The following CASQ2 variants were observed in gnomAD, a reference collection of about 807,000 sequenced individuals.
CASQ2 encodes calsequestrin 2.
CASQ2 carries 49 observed loss-of-function variants against 46.5 expected under a neutral mutation model. The observed-to-expected ratio is 1.05, with a 90% CI of 0.84 to 1.34. The LOEUF (loss-of-function observed/expected upper bound fraction) is 1.34. Among genes scored for constraint, CASQ2 ranks in the 40% most tolerant of loss-of-function variants. CASQ2 has a pLI of 0.00. For missense variants in CASQ2, 486 were observed against 481.3 expected, an observed-to-expected ratio of 1.01 and a Z score of -0.09; for synonymous variants, 174 against 168.5, an observed-to-expected ratio of 1.03 and a Z score of -0.25.
At chr1:115,758,658 CT>C (rs1648840789) in intron 1 of CASQ2, among the ~76,000 whole-genome samples, 2 of 152,172 alleles carry the variant, frequency 1.3e-5, no homozygotes, top group African/African-American at 4.8e-5. Flanking sequence ...TGAGTTCTCA[CT>C]CTATTAGTTC....
chr1:115,725,407 C>A, intron 7 of CASQ2, 101 bp downstream of exon 7: 1 of 1,339,180 alleles, frequency 7.5e-7, no homozygotes, highest in African/African-American at 1.4e-5. Flanking sequence ...CCACCTCAGC[C>A]AAATAAACTT....
intron 1 of CASQ2, among the ~76,000 whole-genome samples, chr1:115,763,003 A>C (rs1025433554): frequency 1.3e-5 from 2 of 152,148 alleles, no homozygotes; most frequent in African/African-American, 4.8e-5. Flanking sequence ...GCATTTATTT[A>C]GTTGTGTTTT....
intron 5 of CASQ2, among the ~76,000 whole-genome samples, chr1:115,728,589 A>T (rs1647674643): frequency 6.6e-6 from 1 of 152,190 alleles, no homozygotes; most frequent in South Asian, 2.1e-4. Context: ...GACTGTTTCC[A>T]TGAAAGGAGA....
At chr1:115,743,153 A>G (rs1648252249) in intron 2 of CASQ2, among the ~76,000 whole-genome samples, 2 of 152,030 alleles carry the variant, frequency 1.3e-5, no homozygotes, top group Non-Finnish European at 2.9e-5. Flanking sequence ...ATATCCCTCA[A>G]TGTGTCTCCA....
chr1:115,705,192 C>T lies in CASQ2; in HGVS notation c.939G>A (p.Leu313=). The change falls in exon 9 of 11, where the codon CTG becomes CTA. Residue 313 remains leucine (L), a splice_region_variant and synonymous_variant. Transcript: ENST00000261448. ...ILWIDPDDFP[L]LVAYWEKTFK... is the part of the protein sequence containing the mutation. ...TGGGGCGCTGGCTGGAGCCACTCACCAGAGGAAAGTCGTCCGGGTCGATCC... is the reference window on the plus strand; with the variant it reads ...TGGGGCGCTGGCTGGAGCCACTCACTAGAGGAAAGTCGTCCGGGTCGATCC... 1 of 1,603,406 alleles carries T rather than the reference C, an allele frequency of 6.2e-7. No individual in the cohort carries two copies. Among genetic ancestry groups the T allele is most frequent in the Non-Finnish European group, 8.5e-7 (1 of 1,170,146 alleles).
At chr1:115,747,405 G>A (rs1440749299) in intron 1 of CASQ2, among the ~76,000 whole-genome samples, 1 of 152,148 alleles carries the variant, frequency 6.6e-6, no homozygotes, top group African/African-American at 2.4e-5. Flanking sequence ...AAAGCAGGTA[G>A]ACTATCTCTT....
At chr1:115,715,269 TC>T (rs1490081457) in intron 8 of CASQ2, among the ~76,000 whole-genome samples, 1 of 152,210 alleles carries the variant, frequency 6.6e-6, no homozygotes, top group African/African-American at 2.4e-5. Flanking sequence ...ACTAGCTTTT[TC>T]TTGAGAGGTG....
chr1:115,702,477 T>G (rs1031259125), intron 10 of CASQ2, among the ~76,000 whole-genome samples: 1 of 152,234 alleles, frequency 6.6e-6, no homozygotes, highest in Non-Finnish European at 1.5e-5. Context: ...CATATGATTT[T>G]CTTCCTTCCC....
intron 8 of CASQ2, among the ~76,000 whole-genome samples, chr1:115,714,815 C>G (rs1009238631): frequency 6.6e-6 from 1 of 152,230 alleles, no homozygotes; most frequent in African/African-American, 2.4e-5. Context: ...CTCCCTATCC[C>G]CCTGCCCTCA....
At chr1:115,749,306 G>T (rs998954819) in intron 1 of CASQ2, among the ~76,000 whole-genome samples, 1 of 152,146 alleles carries the variant, frequency 6.6e-6, no homozygotes, top group Non-Finnish European at 1.5e-5. Context: ...TGTGCCTCTC[G>T]TAGGCATGTA....
intron 5 of CASQ2, among the ~76,000 whole-genome samples, chr1:115,730,661 C>A (rs941755013): frequency 2.0e-5 from 3 of 152,194 alleles, no homozygotes; most frequent in Admixed American, 2.0e-4. Context: ...TTTTTGCTGT[C>A]TTAACGCCAA....
At chr1:115,738,763 T>C (rs1287583581) in intron 3 of CASQ2, among the ~76,000 whole-genome samples, 1 of 152,212 alleles carries the variant, frequency 6.6e-6, no homozygotes, top group African/African-American at 2.4e-5. Flanking sequence ...TTTTGAAATA[T>C]GTAATACATA....
At chr1:115,709,202 A>G (rs1278729843) in intron 8 of CASQ2, among the ~76,000 whole-genome samples, 1 of 152,334 alleles carries the variant, frequency 6.6e-6, no homozygotes, top group South Asian at 2.1e-4. Context: ...ATTTTTTTCC[A>G]AAGAGAGCCT....
intron 3 of CASQ2, among the ~76,000 whole-genome samples, chr1:115,740,369 T>C (rs554312425): frequency 7.2e-5 from 11 of 152,178 alleles, no homozygotes; most frequent in African/African-American, 2.6e-4. Context: ...GGTACTCCCA[T>C]CCCTCCTCTC....
At position 115,761,528 on chromosome 1, in the gene CASQ2, A is replaced by AGAAGAAGAAGAAGAAGAAGAAGAAGAAG. The variant is rs1553197305; in HGVS notation, c.234+6779_234+6780insCTTCTTCTTCTTCTTCTTCTTCTTCTTC. Among the ~76,000 whole-genome samples the AGAAGAAGAAGAAGAAGAAGAAGAAGAAG allele has an allele frequency of 3.7e-4, 29 of 78,792 alleles. 1 individual carries two copies. Among genetic ancestry groups the AGAAGAAGAAGAAGAAGAAGAAGAAGAAG allele is most frequent in the African/African-American group, 5.5e-4 (12 of 21,964 alleles). 51.7% of individuals were successfully genotyped at this position (78,792 alleles called of 152,430 possible). A position where few individuals can be genotyped will look rare whatever the true frequency, so the allele number is the denominator to read the frequency against. ...AAGAAGAAGAAGAAGAAGAAGAAGAAGAGTTCATAAAGTGCACATGAGTCT... is the reference window on the plus strand; with the variant it reads ...AAGAAGAAGAAGAAGAAGAAGAAGAAGAAGAAGAAGAAGAAGAAGAAGAAGAAGGAGTTCATAAAGTGCACATGAGTCT... On this transcript the variant is annotated intron_variant, in intron 1 of 10. Coordinates refer to ENST00000261448, the MANE Select transcript of CASQ2 (RefSeq NM_001232.4).
intron 6 of CASQ2, among the ~76,000 whole-genome samples, chr1:115,725,849 G>A (rs1392898113): frequency 6.6e-6 from 1 of 152,136 alleles, no homozygotes. Flanking sequence ...CATTCCCAGG[G>A]CAAGATGCCA....
In CASQ2 at chr1:115,736,659, G is replaced by A. The variant is rs370310935; in HGVS notation, c.532+1565C>T. ...CTCAAAAAAAAGCTATATTCTTGAGGCAAGCATAAGATTCTCATTCAAAAT... is the reference window on the plus strand; with the variant it reads ...CTCAAAAAAAAGCTATATTCTTGAGACAAGCATAAGATTCTCATTCAAAAT... On this transcript the variant is annotated intron_variant, in intron 4 of 10. Transcript: ENST00000261448. Among the ~76,000 whole-genome samples, 291 of 152,212 alleles carry A rather than the reference G, an allele frequency of 1.9e-3. 7 individuals carry two copies. The South Asian group carries it at 0.041, about 21-fold the overall frequency.
At chr1:115,723,086 C>T (rs548076143) in intron 7 of CASQ2, among the ~76,000 whole-genome samples, 1 of 152,052 alleles carries the variant, frequency 6.6e-6, no homozygotes, top group East Asian at 1.9e-4. Flanking sequence ...GAAAGAGAAA[C>T]ATAGGCAAAT....
chr1:115,754,535 C>T (rs762516268), intron 1 of CASQ2, among the ~76,000 whole-genome samples: 1 of 152,200 alleles, frequency 6.6e-6, no homozygotes. Context: ...ACAAAACCCT[C>T]ATGAGGTAGA....
Sources: gnomAD v4.1 joint callset for allele counts (sites outside exome capture counted in the v4.1 genomes callset) on GRCh38, gnomAD v4.1.1 for gene constraint, MANE v1.5 for transcripts, NCBI Gene and HGNC (gene_info 2026-07-23, HGNC 2026-07-21) for gene names.